Variants in WDSUB1 observed in about 807,000 individuals in gnomAD.
WDSUB1 encodes WD repeat, SAM and U-box domain-containing protein 1.
A neutral mutation model predicts 53.9 loss-of-function variants in WDSUB1; 49 were observed. That is an observed-to-expected ratio of 0.91 (90% CI 0.72 to 1.15). The LOEUF (loss-of-function observed/expected upper bound fraction) is 1.15, where lower values mean the gene tolerates loss of function less well. WDSUB1 is among the 50% of genes most tolerant of loss of function. The pLI is 0.00. For missense variants in WDSUB1, 514 were observed against 562.0 expected, an observed-to-expected ratio of 0.91 and a Z score of 0.86; for synonymous variants, 194 against 200.6, an observed-to-expected ratio of 0.97 and a Z score of 0.28.
chr2:159,268,176 T>C (rs993107312), intron 5 of WDSUB1, among the ~76,000 whole-genome samples: 2 of 152,244 alleles, frequency 1.3e-5, no homozygotes, highest in African/African-American at 2.4e-5. Context: ...TGCAGTGTTA[T>C]TAGTTCATCA....
In WDSUB1 at chr2:159,257,758, C is replaced by T. The variant is rs771349884; in HGVS notation, c.952G>A (p.Ala318Thr). The part of the protein sequence containing the change: ...WQFDLETLCQ[A>T]RRTEHQLKQF... The stretch of plus-strand genomic sequence containing the variant: ...AGTGAAAAATGATGTCCTTACTAAC[C>T]TTGGCAAAGTGTTTCCAGGTCAAAT... Residue 318 changes from alanine (A) to threonine (T), a missense_variant and splice_region_variant, in exon 8 of 11, where the codon GCA (alanine) becomes ACA (threonine). Physicochemically the swap from Ala to Thr is moderately conservative, Grantham distance 58 (BLOSUM62 0). Coordinates refer to ENST00000359774, the MANE Select transcript of WDSUB1 (RefSeq NM_001128212.3). The T allele has an allele frequency of 1.9e-6, 3 of 1,613,176 alleles. No homozygotes were observed. Among genetic ancestry groups the T allele is most frequent in the Admixed American group, 3.3e-5 (2 of 60,006 alleles).
intron 1 of WDSUB1, 144 bp from the exon 2 acceptor site, chr2:159,283,237 C>T (rs72964008): frequency 0.091 from 63,564 of 701,540 alleles, 3,456 homozygotes; most frequent in Non-Finnish European, 0.11. Flanking sequence ...CCCACCTTTT[C>T]GGCAGCAGGG....
chr2:159,241,905 T>TA (rs199575374), intron 10 of WDSUB1, among the ~76,000 whole-genome samples: 1,530 of 145,960 alleles, frequency 0.01, 213 homozygotes, highest in African/African-American at 0.034. Context: ...AAGATGCCTA[T>TA]AAACAGAGTA....
intron 9 of WDSUB1, among the ~76,000 whole-genome samples, chr2:159,255,436 C>T (rs2061041669): frequency 6.6e-6 from 1 of 151,792 alleles, no homozygotes; most frequent in Admixed American, 6.6e-5. Flanking sequence ...CACTGCACAC[C>T]GGCCTGGGTG....
At chr2:159,242,520 GGT>G (rs2060682857) in intron 10 of WDSUB1, among the ~76,000 whole-genome samples, 2 of 147,362 alleles carry the variant, frequency 1.4e-5, no homozygotes, top group South Asian at 4.3e-4. Context: ...AAATTAGCTG[GGT>G]GTGGTGGCAC....
intron 5 of WDSUB1, among the ~76,000 whole-genome samples, chr2:159,265,522 A>G (rs1228965290): frequency 6.6e-6 from 1 of 152,164 alleles, no homozygotes; most frequent in Non-Finnish European, 1.5e-5. Flanking sequence ...ACTTGAGCCC[A>G]GGAATGAGAT....
chr2:159,265,293 CCA>C (rs75210001), intron 5 of WDSUB1, among the ~76,000 whole-genome samples: 29,596 of 149,362 alleles, frequency 0.2, 6,545 homozygotes, highest in African/African-American at 0.55. Context: ...AGCACACACA[CCA>C]CACACACACA....
At chr2:159,278,587 G>A (rs2061590095) in intron 3 of WDSUB1, among the ~76,000 whole-genome samples, 2 of 152,158 alleles carry the variant, frequency 1.3e-5, no homozygotes, top group African/African-American at 4.8e-5. Context: ...TTAAGATCAG[G>A]AGAGACTTAT....
intron 10 of WDSUB1, among the ~76,000 whole-genome samples, chr2:159,239,253 C>T (rs2060574776): frequency 7.2e-6 from 1 of 138,516 alleles, no homozygotes; most frequent in African/African-American, 3.1e-5. Flanking sequence ...AACGCTCCCA[C>T]CTTGGCTTCC....
chr2:159,252,638 CAAA>C (rs977520070), intron 9 of WDSUB1, among the ~76,000 whole-genome samples: 1 of 151,986 alleles, frequency 6.6e-6, no homozygotes, highest in South Asian at 2.1e-4. Context: ...TAAACAACAA[CAAA>C]AAAACTGTAA....
intron 1 of WDSUB1, 81 bp downstream of exon 1, chr2:159,286,502 C>T (rs1331056888): frequency 2.4e-5 from 2 of 83,456 alleles, no homozygotes; most frequent in Non-Finnish European, 6.2e-5. Flanking sequence ...GGCTCAGACG[C>T]CCCGCGCGAG....
chr2:159,263,256 T>A (rs2061263261), intron 5 of WDSUB1, among the ~76,000 whole-genome samples: 1 of 152,210 alleles, frequency 6.6e-6, no homozygotes, highest in Non-Finnish European at 1.5e-5. Flanking sequence ...TGAGCCCAAG[T>A]ATGTTGCTAA....
intron 4 of WDSUB1, among the ~76,000 whole-genome samples, chr2:159,272,901 G>A (rs955709036): frequency 2.6e-5 from 4 of 152,170 alleles, no homozygotes; most frequent in East Asian, 1.9e-4. Context: ...TATACTGAGG[G>A]AATTCAATAT....
chr2:159,268,800 T>C (rs1409033843), intron 5 of WDSUB1, among the ~76,000 whole-genome samples: 2 of 151,928 alleles, frequency 1.3e-5, no homozygotes, highest in Non-Finnish European at 2.9e-5. Flanking sequence ...AAAGCCAAGG[T>C]TGACAACTTC....
At chr2:159,237,452 C>T (rs1276187769) in intron 10 of WDSUB1, among the ~76,000 whole-genome samples, 1 of 151,770 alleles carries the variant, frequency 6.6e-6, no homozygotes, top group Non-Finnish European at 1.5e-5. Flanking sequence ...GCCCGCGAGA[C>T]AGAGGTTGCA....
intron 10 of WDSUB1, among the ~76,000 whole-genome samples, chr2:159,240,352 A>T (rs2060611816): frequency 6.6e-6 from 1 of 151,590 alleles, no homozygotes; most frequent in African/African-American, 2.4e-5. Flanking sequence ...TTTTTGTATG[A>T]TTATGTGTTT....
chr2:159,255,918 C>A (rs1407295194), intron 9 of WDSUB1, among the ~76,000 whole-genome samples: 1 of 151,970 alleles, frequency 6.6e-6, no homozygotes, highest in African/African-American at 2.4e-5. Flanking sequence ...AAAAGACAAC[C>A]CAGTTTAAAA....
chr2:159,282,703 A>G lies in WDSUB1; in HGVS notation c.367T>C (p.Leu123=), dbSNP rs763250251. 1.9e-6 allele frequency: 3 copies of G among 1,613,706 alleles called. No individual in the cohort carries two copies. The highest frequency in any genetic ancestry group is 3.3e-5 in the Admixed American group (2 of 60,012). The change falls in exon 2 of 11, where the codon TTG becomes CTG. Residue 123 remains leucine (L), a synonymous_variant. Transcript: ENST00000359774. ...ASGAADGTVV[L]WNAQSYKLYR... ...AATTTGTATGACTGTGCATTCCACA[A>G]AACCACAGTTCCATCAGCTGCCCCT...
At chr2:159,279,697 A>G in intron 3 of WDSUB1, 64 bp downstream of exon 3, 1 of 1,391,628 alleles carries the variant, frequency 7.2e-7, no homozygotes, top group Non-Finnish European at 9.6e-7. Context: ...AAAGAATGAA[A>G]AGTCATATAC....
Sources: gnomAD v4.1 joint callset for allele counts (sites outside exome capture counted in the v4.1 genomes callset) on GRCh38, gnomAD v4.1.1 for gene constraint, MANE v1.5 for transcripts, NCBI Gene and HGNC (gene_info 2026-07-23, HGNC 2026-07-21) for gene names.